NOM1: variants seen among roughly 807,000 people sequenced by gnomAD.
NOM1 encodes nucleolar protein with MIF4G domain 1.
A neutral mutation model predicts 73.3 loss-of-function variants in NOM1; 58 were observed. That is an observed-to-expected ratio of 0.79 (90% CI 0.64 to 0.99). NOM1 has a LOEUF of 0.99. NOM1 is among the 50% of genes least tolerant of loss of function. The pLI is 0.00. For missense variants in NOM1, 1,226 were observed against 1,131.9 expected, an observed-to-expected ratio of 1.08 and a Z score of -1.19; for synonymous variants, 487 against 446.8, an observed-to-expected ratio of 1.09 and a Z score of -1.14.
chr7:156,964,691 C>T (rs1193581326), intron 7 of NOM1, among the ~76,000 whole-genome samples: 1 of 152,134 alleles, frequency 6.6e-6, no homozygotes, highest in East Asian at 1.9e-4. Flanking sequence ...GGATGAAATA[C>T]AGGGAGAACA....
In NOM1 at chr7:156,972,097, C is replaced by G. The variant is rs964700190; in HGVS notation, c.*2394C>G. 6.6e-6 allele frequency: 1 copy of G among 152,264 alleles called. No homozygotes were observed. The highest frequency in any genetic ancestry group is 1.9e-4 in the East Asian group (1 of 5,202). 9.4% of individuals were successfully genotyped at this position (152,264 alleles called of 1,614,324 possible). A position where few individuals can be genotyped will look rare whatever the true frequency, so the allele number is the denominator to read the frequency against. On this transcript the variant is annotated 3_prime_UTR_variant, in exon 11 of 11. Transcript: ENST00000275820. ...AAATCAACACACTGCTTCCTTCCTCCAGAAGGTCTTACTGTGAAGGAAAAA... is the reference window on the plus strand; with the variant it reads ...AAATCAACACACTGCTTCCTTCCTCGAGAAGGTCTTACTGTGAAGGAAAAA...
chr7:156,960,249 C>T (rs1270580343), intron 4 of NOM1, 75 bp downstream of exon 4: 10 of 1,225,422 alleles, frequency 8.2e-6, no homozygotes, highest in Middle Eastern at 4.0e-4. Flanking sequence ...AAATCAGTAT[C>T]TGGGGTAAAT....
chr7:156,968,157 A>C (rs1193838146), intron 9 of NOM1, among the ~76,000 whole-genome samples: 3 of 152,132 alleles, frequency 2.0e-5, no homozygotes, highest in African/African-American at 7.2e-5. Context: ...AATCCTGACA[A>C]CTGGAATAAC....
In NOM1 at chr7:156,954,311, C is replaced by G; in HGVS notation, c.1308+13C>G. 2 of 1,564,792 alleles carry G rather than the reference C, an allele frequency of 1.3e-6. No homozygotes were observed. Among genetic ancestry groups the G allele is most frequent in the Non-Finnish European group, 1.7e-6 (2 of 1,155,690 alleles). On this transcript the variant is annotated intron_variant, in intron 3 of 10. Transcript: ENST00000275820. Reference sequence around the variant, plus strand: ...AGTTGGAATCGAGGTACAGTTGTACCTTTTCTCCAGGCTGTCACTAGTGTC... The same window carrying G: ...AGTTGGAATCGAGGTACAGTTGTACGTTTTCTCCAGGCTGTCACTAGTGTC...
At position 156,969,898 on chromosome 7, in the gene NOM1, G is replaced by A. The variant is rs1464206808; in HGVS notation, c.*195G>A. On this transcript the variant is annotated 3_prime_UTR_variant, in exon 11 of 11. Transcript: ENST00000275820. ...AAGCCATTTTCAAATAACTATCTTG[G>A]GGGTGAGAGGAGAAGGAGGGAGGGA... 2 of 478,450 alleles carry A rather than the reference G, an allele frequency of 4.2e-6. No homozygotes were observed. The highest frequency in any genetic ancestry group is 2.0e-5 in the African/African-American group (1 of 49,924). The allele number at this position is 478,450 out of a possible 1,614,324, so 29.6% of individuals were successfully genotyped here. A position where few individuals can be genotyped will look rare whatever the true frequency, so the allele number is the denominator to read the frequency against.
chr7:156,963,420 G>A (rs550764423), intron 6 of NOM1: 40 of 548,794 alleles, frequency 7.3e-5, no homozygotes, highest in African/African-American at 6.6e-4. Flanking sequence ...GCAGGGGAGC[G>A]CATGAGGACC....
chr7:156,961,159 T>G (rs1460239947), intron 4 of NOM1, among the ~76,000 whole-genome samples: 1 of 151,702 alleles, frequency 6.6e-6, no homozygotes, highest in Non-Finnish European at 1.5e-5. Context: ...GACCTTCAGG[T>G]TAAGGAGCAC....
intron 1 of NOM1, among the ~76,000 whole-genome samples, chr7:156,951,220 A>C (rs942152569): frequency 6.6e-6 from 1 of 152,184 alleles, no homozygotes; most frequent in Admixed American, 6.5e-5. Context: ...TAACGTGGTG[A>C]AACCCCGTCA....
At position 156,954,155 on chromosome 7, in the gene NOM1, A is replaced by G. The variant is rs747695760; in HGVS notation, c.1165A>G (p.Met389Val). The part of the protein sequence containing the change: ...SISGQLEELY[M>V]AHSRKDMNDT... ...CAGTGGGCAGCTGGAGGAACTGTAC[A>G]TGGCCCACAGCAGAAAGGACATGAA... The change falls in exon 3 of 11, where the codon ATG becomes GTG. Residue 389 changes from methionine (M) to valine (V), a missense_variant. Transcript: ENST00000275820. The G allele has an allele frequency of 8.1e-6, 13 of 1,613,536 alleles. No individual in the cohort carries two copies. The highest frequency in any genetic ancestry group is 1.7e-5 in the Admixed American group (1 of 59,874).
At chr7:156,954,024 ACT>A in intron 2 of NOM1, 77 bp from the exon 3 acceptor site, 2 of 1,222,074 alleles carry the variant, frequency 1.6e-6, no homozygotes, top group Admixed American at 2.3e-5. Flanking sequence ...GGTATGGATA[ACT>A]CTTTAATTTT....
chr7:156,968,869 T>A (rs1274008015), intron 9 of NOM1: 3 of 491,820 alleles, frequency 6.1e-6, no homozygotes, highest in Non-Finnish European at 1.1e-5. Flanking sequence ...ACGGTGGCTG[T>A]GGCCGGCCAC....
At position 156,970,002 on chromosome 7, in the gene NOM1, A is replaced by T. The variant is rs1436234688; in HGVS notation, c.*299A>T. 1 of 181,190 alleles carries T rather than the reference A, an allele frequency of 5.5e-6. No homozygotes were observed. Among genetic ancestry groups the T allele is most frequent in the African/African-American group, 2.4e-5 (1 of 42,442 alleles). 11.2% of individuals were successfully genotyped at this position (181,190 alleles called of 1,614,324 possible). On this transcript the variant is annotated 3_prime_UTR_variant, in exon 11 of 11. Coordinates refer to ENST00000275820, the MANE Select transcript of NOM1 (RefSeq NM_138400.2). ...TGATTGTCTTAAAATTTTTTAATAG[A>T]TATGGCCGAGCGTGATGGCTCACCC...
At chr7:156,951,812 A>G (rs926673551) in intron 1 of NOM1, among the ~76,000 whole-genome samples, 3 of 151,458 alleles carry the variant, frequency 2.0e-5, no homozygotes, top group African/African-American at 7.3e-5. Flanking sequence ...GGTTCATGCC[A>G]TTCTCCTGCC....
At chr7:156,953,385 C>T (rs983993133) in intron 2 of NOM1, among the ~76,000 whole-genome samples, 4 of 152,124 alleles carry the variant, frequency 2.6e-5, no homozygotes, top group African/African-American at 4.8e-5. Context: ...GCCTCAGCCT[C>T]CGAAAGTGCT....
intron 1 of NOM1, among the ~76,000 whole-genome samples, chr7:156,950,925 A>G (rs926976552): frequency 6.6e-6 from 1 of 152,196 alleles, no homozygotes; most frequent in African/African-American, 2.4e-5. Context: ...GAGAAAAGCA[A>G]TATAGAGACA....
At chr7:156,961,655 G>A (rs10272070) in intron 4 of NOM1, among the ~76,000 whole-genome samples, 121,142 of 152,160 alleles carry the variant, frequency 0.8, 48,326 homozygotes, top group Admixed American at 0.86. Flanking sequence ...TTCTGTATCA[G>A]TAAGAAGTTG....
chr7:156,950,219 G>C lies in NOM1; in HGVS notation c.482G>C (p.Arg161Thr). 6.2e-7 allele frequency: 1 copy of C among 1,611,854 alleles called. No individual in the cohort carries two copies. The highest frequency in any genetic ancestry group is 1.1e-5 in the South Asian group (1 of 91,042). The change falls in exon 1 of 11, where the codon AGA becomes ACA. Residue 161 changes from arginine to threonine, a missense_variant. By Grantham distance (71) the Arg-to-Thr change is moderately conservative. Coordinates refer to ENST00000275820, the MANE Select transcript of NOM1 (RefSeq NM_138400.2). Reference sequence around the variant, plus strand: ...GCCACGGCCGCCACCGCAAAGACCAGACCCTCCGCAGCCGCCACCGCCGCT... The same window carrying C: ...GCCACGGCCGCCACCGCAAAGACCACACCCTCCGCAGCCGCCACCGCCGCT... ...AKATAATAKT[R>T]PSAAATAAAR...
chr7:156,966,144 C>A, intron 7 of NOM1, 126 bp from the exon 8 acceptor site: 1 of 1,185,898 alleles, frequency 8.4e-7, no homozygotes, highest in Non-Finnish European at 1.2e-6. Flanking sequence ...CCGCTGCCTC[C>A]ACCTCCTTTA....
rs191521470 is a variant in NOM1, at chr7:156,963,435, C to T, written c.1911+260C>T. ...GCAGGGGAGCGCATGAGGACCTGAACGCTCACGGGGCAGGAGTCCGTTGCT... is the reference window on the plus strand; with the variant it reads ...GCAGGGGAGCGCATGAGGACCTGAATGCTCACGGGGCAGGAGTCCGTTGCT... On this transcript the variant is annotated intron_variant, in intron 6 of 10. Coordinates refer to ENST00000275820, the MANE Select transcript of NOM1 (RefSeq NM_138400.2). 110 of 526,558 alleles carry T rather than the reference C, an allele frequency of 2.1e-4. 1 individual carries two copies. Among genetic ancestry groups the T allele is most frequent in the African/African-American group, 1.7e-3 (90 of 52,438 alleles). 32.6% of individuals were successfully genotyped at this position (526,558 alleles called of 1,614,324 possible).
Sources: allele counts gnomAD v4.1 joint callset (sites outside exome capture counted in the v4.1 genomes callset), GRCh38; gene constraint gnomAD v4.1.1; transcripts MANE v1.5; gene names NCBI Gene and HGNC (gene_info 2026-07-23, HGNC 2026-07-21).